Variants in GADL1 observed in about 807,000 individuals in gnomAD.
The protein encoded by GADL1 is acidic amino acid decarboxylase GADL1.
In GADL1, 71 loss-of-function variants were observed where a neutral mutation model predicts 69.5. The ratio of observed to expected loss-of-function variants is 1.02; its 90% confidence interval spans 0.84 to 1.25. The LOEUF (loss-of-function observed/expected upper bound fraction) is 1.25. GADL1 is among the 50% of genes most tolerant of loss of function. The pLI, the probability that GADL1 is intolerant of heterozygous loss-of-function variation, is 0.00. For missense variants in GADL1, 737 were observed against 631.8 expected, an observed-to-expected ratio of 1.17 and a Z score of -1.79; for synonymous variants, 254 against 214.4, an observed-to-expected ratio of 1.18 and a Z score of -1.62.
Position 30,805,734 on chromosome 3 carries a change from C to CTTTTTTTTTTTTTTTTTTT in GADL1, c.1051-4665_1051-4647dup, listed in dbSNP as rs34788058. 1.3e-3 allele frequency among the ~76,000 whole-genome samples: 85 copies of CTTTTTTTTTTTTTTTTTTT among 66,086 alleles called. 5 individuals are homozygous for CTTTTTTTTTTTTTTTTTTT. The East Asian group carries it at 0.022, about 17-fold the overall frequency. 43.4% of individuals were successfully genotyped at this position (66,086 alleles called of 152,430 possible). ...ATTCTGTGCACCAGCAGTCCCCAGC[C>CTTTTTTTTTTTTTTTTTTT]TTTTTTTTTTTTTTTTTTTTTTTTG... is the stretch of plus-strand genomic sequence containing the variant. On this transcript the variant is annotated intron_variant, in intron 11 of 14. Coordinates refer to ENST00000282538, the MANE Select transcript of GADL1 (RefSeq NM_207359.3).
At chr3:30,804,529 G>A (rs905959736) in intron 11 of GADL1, among the ~76,000 whole-genome samples, 7 of 151,612 alleles carry the variant, frequency 4.6e-5, no homozygotes, top group African/African-American at 1.2e-4. Flanking sequence ...CCCCCACCCC[G>A]ATATCTCCCT....
intron 11 of GADL1, among the ~76,000 whole-genome samples, chr3:30,828,056 T>A (rs1191040378): frequency 1.3e-5 from 2 of 151,890 alleles, no homozygotes; most frequent in African/African-American, 4.8e-5. Flanking sequence ...TTGATCAGAT[T>A]GTTCAGTATT....
chr3:30,861,454 T>C, intron 2 of GADL1, 139 bp downstream of exon 2: 3 of 638,926 alleles, frequency 4.7e-6, no homozygotes, highest in Non-Finnish European at 8.1e-6. Context: ...TACACTTTTA[T>C]ATCTGGACAT....
At chr3:30,819,851 G>C (rs566763995) in intron 11 of GADL1, among the ~76,000 whole-genome samples, 31 of 152,058 alleles carry the variant, frequency 2.0e-4, no homozygotes, top group African/African-American at 6.7e-4. Context: ...AAATATATTT[G>C]AGAAAATATT....
intron 12 of GADL1, chr3:30,799,717 A>G (rs1295819173): frequency 1.3e-5 from 2 of 152,106 alleles, no homozygotes; most frequent in Non-Finnish European, 2.9e-5. Flanking sequence ...TTTCCCTTTT[A>G]AAAGGGAATG....
intron 14 of GADL1, among the ~76,000 whole-genome samples, chr3:30,751,637 AAC>A (rs1465547887): frequency 6.6e-6 from 1 of 152,078 alleles, no homozygotes; most frequent in Non-Finnish European, 1.5e-5. Flanking sequence ...GAAAGACTGA[AAC>A]AGTTTGAGGA....
chr3:30,845,938 T>A (rs1185238215), intron 6 of GADL1, among the ~76,000 whole-genome samples: 1 of 151,600 alleles, frequency 6.6e-6, no homozygotes, highest in African/African-American at 2.4e-5. Flanking sequence ...TAGCAAAATA[T>A]CTCCAACCAA....
At chr3:30,750,058 C>T (rs1695778872) in intron 14 of GADL1, among the ~76,000 whole-genome samples, 1 of 152,124 alleles carries the variant, frequency 6.6e-6, no homozygotes, top group African/African-American at 2.4e-5. Context: ...ATTCAGGTTA[C>T]AGTACAAGAA....
intron 13 of GADL1, among the ~76,000 whole-genome samples, chr3:30,785,779 GA>G (rs1696775728): frequency 6.6e-6 from 1 of 151,876 alleles, no homozygotes; most frequent in African/African-American, 2.4e-5. Flanking sequence ...CAAAATCTAA[GA>G]AGTTTGCAAT....
chr3:30,859,328 C>T (rs1698279489), intron 2 of GADL1, among the ~76,000 whole-genome samples: 1 of 151,788 alleles, frequency 6.6e-6, no homozygotes, highest in Admixed American at 6.6e-5. Context: ...TTGGAAATGC[C>T]TGAGACAATC....
intron 11 of GADL1, among the ~76,000 whole-genome samples, chr3:30,815,073 A>G (rs780395109): frequency 3.3e-5 from 5 of 152,156 alleles, no homozygotes; most frequent in Non-Finnish European, 5.9e-5. Flanking sequence ...TAAAATGGCC[A>G]TGGTTTATTT....
chr3:30,809,989 T>G (rs895974790), intron 11 of GADL1, among the ~76,000 whole-genome samples: 1 of 152,212 alleles, frequency 6.6e-6, no homozygotes, highest in Non-Finnish European at 1.5e-5. Context: ...TTATAAGCTA[T>G]GTAATGAAGT....
chr3:30,748,800 G>A lies in GADL1; in HGVS notation c.1393-20385C>T, dbSNP rs547252568. Among the ~76,000 whole-genome samples the A allele has an allele frequency of 9.1e-4, 138 of 152,186 alleles. 1 individual carries two copies. Among genetic ancestry groups the A allele is most frequent in the Middle Eastern group, 6.8e-3 (2 of 294 alleles). On this transcript the variant is annotated intron_variant, in intron 14 of 14. Transcript: ENST00000282538. The stretch of plus-strand genomic sequence containing the variant: ...GAAGAAAGCTGAATATAATTCAACC[G>A]TTACATTTTGAATTCTTCTATATAA...
At chr3:30,890,545 C>T (rs1307402340) in intron 1 of GADL1, among the ~76,000 whole-genome samples, 4 of 152,146 alleles carry the variant, frequency 2.6e-5, no homozygotes, top group Admixed American at 6.5e-5. Context: ...TTCTGAAAAT[C>T]GCCTCCCTAT....
intron 12 of GADL1, among the ~76,000 whole-genome samples, chr3:30,795,118 G>C (rs530285981): frequency 6.6e-6 from 1 of 152,096 alleles, no homozygotes; most frequent in African/African-American, 2.4e-5. Context: ...AAGAAGTTAC[G>C]CTTCTTGGAA....
At chr3:30,850,763 G>T (rs922787664) in intron 5 of GADL1, 72 bp downstream of exon 5, 29 of 822,280 alleles carry the variant, frequency 3.5e-5, no homozygotes, top group Non-Finnish European at 5.5e-5. Flanking sequence ...AATCTGCAAG[G>T]AGTTGTTCCT....
intron 1 of GADL1, among the ~76,000 whole-genome samples, chr3:30,886,294 A>G (rs983974025): frequency 3.3e-5 from 5 of 152,124 alleles, no homozygotes; most frequent in Non-Finnish European, 7.4e-5. Flanking sequence ...TGTAGTCAAG[A>G]GGACTAGATA....
chr3:30,891,173 C>T (rs1698780860), intron 1 of GADL1, among the ~76,000 whole-genome samples: 1 of 152,018 alleles, frequency 6.6e-6, no homozygotes, highest in African/African-American at 2.4e-5. Flanking sequence ...AGTAAACCTA[C>T]CCCAAGAGAA....
chr3:30,759,460 T>C (rs1279085119), intron 14 of GADL1, among the ~76,000 whole-genome samples: 2 of 152,184 alleles, frequency 1.3e-5, no homozygotes, highest in Non-Finnish European at 2.9e-5. Flanking sequence ...AGTTGAAAGC[T>C]TGATGGAAGG....
Sources: allele counts gnomAD v4.1 joint callset (sites outside exome capture counted in the v4.1 genomes callset), GRCh38; gene constraint gnomAD v4.1.1; transcripts MANE v1.5; gene names NCBI Gene and HGNC (gene_info 2026-07-23, HGNC 2026-07-21).